RAB21: variants seen among roughly 807,000 people sequenced by gnomAD.
RAB21 encodes RAB21, member RAS oncogene family.
In RAB21, 13 loss-of-function variants were observed where a neutral mutation model predicts 33.1. That is an observed-to-expected ratio of 0.39 (90% CI 0.26 to 0.62). The LOEUF (loss-of-function observed/expected upper bound fraction) is 0.62. Ranked by LOEUF, RAB21 falls within the 20% of genes least tolerant of loss-of-function variation. RAB21 has a pLI of 0.48. For missense variants in RAB21, 234 were observed against 279.1 expected (o/e 0.84, Z 1.15); for synonymous variants, 91 against 103.7 (o/e 0.88, Z 0.74).
rs1022377522 is a variant in RAB21, at chr12:71,792,587, G to T, written c.*6914G>T. The T allele has an allele frequency of 6.6e-6, 1 of 152,160 alleles. No individual in the cohort carries two copies. Among genetic ancestry groups the T allele is most frequent in the African/African-American group, 2.4e-5 (1 of 41,432 alleles). The allele number at this position is 152,160 out of a possible 1,614,324, so 9.4% of individuals were successfully genotyped here. On this transcript the variant is annotated 3_prime_UTR_variant, in exon 7 of 7. Coordinates refer to ENST00000261263, the MANE Select transcript of RAB21 (RefSeq NM_014999.4). The stretch of plus-strand genomic sequence containing the variant: ...CTTTAAATGAAAATTCAGAAAGCAG[G>T]TTAAGCATATATGTGAGTTTAATAA...
At position 71,769,829 on chromosome 12, in the gene RAB21, T is replaced by A. The variant is rs771354177; in HGVS notation, c.189T>A (p.Ile63=). 2 of 1,394,584 alleles carry A rather than the reference T, an allele frequency of 1.4e-6. No homozygotes were observed. Among genetic ancestry groups the A allele is most frequent in the South Asian group, 3.5e-5 (2 of 57,816 alleles). 86.4% of individuals were successfully genotyped at this position (1,394,584 alleles called of 1,614,324 possible). A position where few individuals can be genotyped will look rare whatever the true frequency, so the allele number is the denominator to read the frequency against. Residue 63 remains isoleucine, a synonymous_variant, in exon 2 of 7, where the codon ATT becomes ATA. Coordinates refer to ENST00000261263, the MANE Select transcript of RAB21 (RefSeq NM_014999.4). The part of the protein sequence containing the change: ...QASFLTKKLN[I]GGKRVNLAIW... ...CATTCTTAACAAAGAAGTTAAATAT[T>A]GGTGGGAAAAGAGTAAACCTTGCCA...
chr12:71,795,403 G>A lies in RAB21; in HGVS notation c.*9730G>A, dbSNP rs1308027203. The A allele has an allele frequency of 3.3e-5, 3 of 90,260 alleles. 1 individual carries two copies. In the East Asian group the frequency reaches 2.4e-3, roughly 72 times the overall value. The allele number at this position is 90,260 out of a possible 1,614,324, so 5.6% of individuals were successfully genotyped here. A position where few individuals can be genotyped will look rare whatever the true frequency, so the allele number is the denominator to read the frequency against. ...GGAGAAATTTGGGAATGTCCCTAGC[G>A]TAATAATGCCTTCTACTGACATTTA... On this transcript the variant is annotated 3_prime_UTR_variant, in exon 7 of 7. Coordinates refer to ENST00000261263, the MANE Select transcript of RAB21 (RefSeq NM_014999.4).
intron 4 of RAB21, among the ~76,000 whole-genome samples, chr12:71,780,222 T>C (rs1883177661): frequency 6.6e-6 from 1 of 152,214 alleles, no homozygotes; most frequent in African/African-American, 2.4e-5. Flanking sequence ...CTCTTCACTC[T>C]TTTTATAGGT....
chr12:71,767,008 T>C (rs1882971048), intron 1 of RAB21, among the ~76,000 whole-genome samples: 1 of 152,170 alleles, frequency 6.6e-6, no homozygotes, highest in African/African-American at 2.4e-5. Flanking sequence ...TTGTGAAAAG[T>C]GCATAGCACA....
chr12:71,783,818 A>G (rs1455887353), intron 6 of RAB21, among the ~76,000 whole-genome samples: 2 of 152,118 alleles, frequency 1.3e-5, no homozygotes, highest in African/African-American at 4.8e-5. Flanking sequence ...AGTGGTGGTG[A>G]TGCTAGTCAT....
chr12:71,775,308 G>C (rs1883103839), intron 4 of RAB21, among the ~76,000 whole-genome samples: 1 of 152,208 alleles, frequency 6.6e-6, no homozygotes, highest in Non-Finnish European at 1.5e-5. Context: ...CCAGTGTCAG[G>C]TAGCTTTCAG....
chr12:71,771,745 C>T lies in RAB21; in HGVS notation c.327+1046C>T, dbSNP rs115378490. Among the ~76,000 whole-genome samples, 1,334 of 152,078 alleles carry T rather than the reference C, an allele frequency of 8.8e-3. 9 individuals carry two copies. The highest frequency in any genetic ancestry group is 0.024 in the African/African-American group (1,011 of 41,490). On this transcript the variant is annotated intron_variant, in intron 3 of 6. Coordinates refer to ENST00000261263, the MANE Select transcript of RAB21 (RefSeq NM_014999.4). ...TCCCAGCACTTTGGGAGGTCGAGGA[C>T]AGCGGGTCACTTGAGGTCGGGAGTT...
At chr12:71,763,868 A>G (rs1033689511) in intron 1 of RAB21, among the ~76,000 whole-genome samples, 1 of 152,174 alleles carries the variant, frequency 6.6e-6, no homozygotes, top group African/African-American at 2.4e-5. Context: ...TGTGCAATGG[A>G]AAAACCATTG....
chr12:71,769,778 T>C (rs1883013965), intron 1 of RAB21, 22 bp from the exon 2 acceptor site: 1 of 1,189,302 alleles, frequency 8.4e-7, no homozygotes, highest in Non-Finnish European at 1.2e-6. Flanking sequence ...AAACATTGTT[T>C]AATGTTTATT....
chr12:71,766,231 G>A (rs1882958865), intron 1 of RAB21, among the ~76,000 whole-genome samples: 1 of 152,110 alleles, frequency 6.6e-6, no homozygotes. Context: ...ATTATGGGCA[G>A]GGTACTATGA....
rs1883354868 is a variant in RAB21, at chr12:71,789,917, T to C, written c.*4244T>C. The C allele has an allele frequency of 1.3e-5, 2 of 152,190 alleles. No individual in the cohort carries two copies. The highest frequency in any genetic ancestry group is 2.1e-4 in the South Asian group (1 of 4,830). 9.4% of individuals were successfully genotyped at this position (152,190 alleles called of 1,614,324 possible). A position where few individuals can be genotyped will look rare whatever the true frequency, so the allele number is the denominator to read the frequency against. ...TAGTTGTAATATTTTAATAGTGTTA[T>C]GTATTGGAAAAAATTTAGAAATACT... is the stretch of plus-strand genomic sequence containing the variant. On this transcript the variant is annotated 3_prime_UTR_variant, in exon 7 of 7. Transcript: ENST00000261263.
In RAB21 at chr12:71,763,101, G is replaced by GCACACA. The variant is rs66460518; in HGVS notation, c.160-6676_160-6671dup. Reference sequence around the variant, plus strand: ...ACTAGCAAGAATATTTATTTTGCACGCACACACACACACACACACACACAC... The same window carrying GCACACA: ...ACTAGCAAGAATATTTATTTTGCACGCACACACACACACACACACACACACACACAC... On this transcript the variant is annotated intron_variant, in intron 1 of 6. Coordinates refer to ENST00000261263, the MANE Select transcript of RAB21 (RefSeq NM_014999.4). 1.2e-3 allele frequency among the ~76,000 whole-genome samples: 181 copies of GCACACA among 145,572 alleles called. 3 individuals carry two copies. The highest frequency in any genetic ancestry group is 7.3e-3 in the South Asian group (33 of 4,508).
chr12:71,767,214 A>G lies in RAB21; in HGVS notation c.160-2586A>G, dbSNP rs530856672. The stretch of plus-strand genomic sequence containing the variant: ...GTGTTGTCATGTGTACCCTTTCCGT[A>G]CAAGTGTTTTTGTGTATCCATAGTT... On this transcript the variant is annotated intron_variant, in intron 1 of 6. Coordinates refer to ENST00000261263, the MANE Select transcript of RAB21 (RefSeq NM_014999.4). Among the ~76,000 whole-genome samples the G allele has an allele frequency of 2.6e-5, 4 of 152,264 alleles. No homozygotes were observed. The South Asian group carries it at 6.2e-4, about 24-fold the overall frequency.
Position 71,794,425 on chromosome 12 carries a change from ATATTTTTTTTTTTTTTTTT to A in RAB21, c.*8754_*8772del, listed in dbSNP as rs1883435304. 1 of 46,566 alleles carries A rather than the reference ATATTTTTTTTTTTTTTTTT, an allele frequency of 2.1e-5. No individual in the cohort carries two copies. Among genetic ancestry groups the A allele is most frequent in the Non-Finnish European group, 3.4e-5 (1 of 29,600 alleles). The allele number at this position is 46,566 out of a possible 1,614,324, so 2.9% of individuals were successfully genotyped here. On this transcript the variant is annotated 3_prime_UTR_variant, in exon 7 of 7. Transcript: ENST00000261263. ...ATATATTATATATATATATATATAT[ATATTTTTTTTTTTTTTTTT>A]TTTTTTTTTTTTGAGACGGAGTCTC... is the stretch of plus-strand genomic sequence containing the variant.
intron 5 of RAB21, 82 bp downstream of exon 5, chr12:71,782,167 A>G (rs1883211231): frequency 7.8e-7 from 1 of 1,285,130 alleles, no homozygotes. Flanking sequence ...CCATTTAGGT[A>G]TTACTCAAAT....
At position 71,799,409 on chromosome 12, in the gene RAB21, A is replaced by T. The variant is rs1268124973; in HGVS notation, c.*13736A>T. 2 of 152,218 alleles carry T rather than the reference A, an allele frequency of 1.3e-5. No homozygotes were observed. The highest frequency in any genetic ancestry group is 2.9e-5 in the Non-Finnish European group (2 of 68,044). The allele number at this position is 152,218 out of a possible 1,614,324, so 9.4% of individuals were successfully genotyped here. On this transcript the variant is annotated 3_prime_UTR_variant, in exon 7 of 7. Coordinates refer to ENST00000261263, the MANE Select transcript of RAB21 (RefSeq NM_014999.4). ...CTTCTGTTTCCTGCATTGAAAGCTGACTGATCTGGAGGGCAATTGGGCAAC... is the reference window on the plus strand; with the variant it reads ...CTTCTGTTTCCTGCATTGAAAGCTGTCTGATCTGGAGGGCAATTGGGCAAC...
rs1883330820 is a variant in RAB21 at position 71,788,598 on chromosome 12, C to T, written c.*2925C>T. On this transcript the variant is annotated 3_prime_UTR_variant, in exon 7 of 7. Coordinates refer to ENST00000261263, the MANE Select transcript of RAB21 (RefSeq NM_014999.4). Reference sequence around the variant, plus strand: ...CTAATATACCTTTTGCATTCTTTTTCTGATAATTGTGCTATTAGGCAGAAG... The same window carrying T: ...CTAATATACCTTTTGCATTCTTTTTTTGATAATTGTGCTATTAGGCAGAAG... The T allele has an allele frequency of 3.3e-5, 5 of 152,046 alleles. No homozygotes were observed. Among genetic ancestry groups the T allele is most frequent in the Admixed American group, 3.3e-4 (5 of 15,256 alleles). 9.4% of individuals were successfully genotyped at this position (152,046 alleles called of 1,614,324 possible).
intron 1 of RAB21, among the ~76,000 whole-genome samples, chr12:71,766,616 G>A (rs1882964794): frequency 6.6e-6 from 1 of 152,114 alleles, no homozygotes; most frequent in Non-Finnish European, 1.5e-5. Context: ...ATAATTTATA[G>A]TATAAGACAG....
In RAB21 at chr12:71,791,522, T is replaced by C. The variant is rs1364567463; in HGVS notation, c.*5849T>C. The stretch of plus-strand genomic sequence containing the variant: ...GGAAAAAGAGGAAAGGTATAACTGA[T>C]GGGGAAAAGTACAAGATAAACTAAA... On this transcript the variant is annotated 3_prime_UTR_variant, in exon 7 of 7. Coordinates refer to ENST00000261263, the MANE Select transcript of RAB21 (RefSeq NM_014999.4). 3.9e-5 allele frequency: 6 copies of C among 152,180 alleles called. No individual in the cohort carries two copies. The highest frequency in any genetic ancestry group is 8.8e-5 in the Non-Finnish European group (6 of 68,036). The allele number at this position is 152,180 out of a possible 1,614,324, so 9.4% of individuals were successfully genotyped here.
Sources: allele counts gnomAD v4.1 joint callset (sites outside exome capture counted in the v4.1 genomes callset), GRCh38; gene constraint gnomAD v4.1.1; transcripts MANE v1.5; gene names NCBI Gene and HGNC (gene_info 2026-07-23, HGNC 2026-07-21).